The following CIITA variants were observed in gnomAD, a reference collection of about 807,000 sequenced individuals.
CIITA encodes the protein MHC class II transactivator.
Under a neutral mutation model 115.1 loss-of-function variants are expected in CIITA, and 72 were observed. That is an observed-to-expected ratio of 0.63 (90% CI 0.52 to 0.76). The LOEUF (loss-of-function observed/expected upper bound fraction) is 0.76. Among genes scored for constraint, CIITA ranks in the 30% least tolerant of loss-of-function variants. The pLI is 0.00. For missense variants in CIITA, 1,617 were observed against 1,463.8 expected, an observed-to-expected ratio of 1.10 and a Z score of -1.71; for synonymous variants, 763 against 635.6, an observed-to-expected ratio of 1.20 and a Z score of -3.02.
chr16:10,906,274 C>T (rs1268057507), intron 10 of CIITA, among the ~76,000 whole-genome samples: 2 of 152,048 alleles, frequency 1.3e-5, no homozygotes, highest in South Asian at 2.1e-4. Context: ...TCAGGAGGAT[C>T]GCATGAGCCC....
intron 1 of CIITA, among the ~76,000 whole-genome samples, chr16:10,881,930 C>A (rs9928334): frequency 0.042 from 6,352 of 152,234 alleles, 469 homozygotes; most frequent in African/African-American, 0.14. Flanking sequence ...TGATATTTGT[C>A]TTTTTGTGCC....
upstream of CIITA, among the ~76,000 whole-genome samples, chr16:10,873,436 G>A (rs1009090910): frequency 6.6e-6 from 1 of 152,192 alleles, no homozygotes; most frequent in African/African-American, 2.4e-5. Flanking sequence ...AGCAAGTTTT[G>A]TAAAACACAG....
intron 1 of CIITA, among the ~76,000 whole-genome samples, chr16:10,886,426 C>T (rs891311651): frequency 6.6e-6 from 1 of 152,220 alleles, no homozygotes; most frequent in Non-Finnish European, 1.5e-5. Flanking sequence ...ACAAATAACA[C>T]AGCAGTAACC....
Position 10,930,894 on chromosome 16 carries a change from C to A in CIITA, c.*7039C>A, listed in dbSNP as rs961984704. The A allele has an allele frequency of 6.6e-6, 1 of 152,328 alleles. No homozygotes were observed. Among genetic ancestry groups the A allele is most frequent in the African/African-American group, 2.4e-5 (1 of 41,458 alleles). 9.4% of individuals were successfully genotyped at this position (152,328 alleles called of 1,614,324 possible). ...ATAGCTGCCCTCCACCAGCCTGCTCCTGAGACACCTGCTGGCCAGCAGCCT... is the reference window on the plus strand; with the variant it reads ...ATAGCTGCCCTCCACCAGCCTGCTCATGAGACACCTGCTGGCCAGCAGCCT... On this transcript the variant is annotated 3_prime_UTR_variant, in exon 20 of 20. Coordinates refer to ENST00000324288, the MANE Select transcript of CIITA (RefSeq NM_000246.4).
chr16:10,878,947 T>G, intron 1 of CIITA: 1 of 225,648 alleles, frequency 4.4e-6, no homozygotes, highest in East Asian at 6.4e-5. Flanking sequence ...GGAGGTAGGA[T>G]GACCAGCGGA....
intron 1 of CIITA, among the ~76,000 whole-genome samples, chr16:10,882,518 C>G (rs1170698758): frequency 6.6e-6 from 1 of 152,086 alleles, no homozygotes; most frequent in Non-Finnish European, 1.5e-5. Flanking sequence ...GGCTTGAGAC[C>G]AGGAGTTCAA....
intron 1 of CIITA, among the ~76,000 whole-genome samples, chr16:10,870,659 C>T (rs760260421): frequency 2.0e-5 from 3 of 152,344 alleles, no homozygotes; most frequent in South Asian, 2.1e-4. Context: ...CTGCTCCTTA[C>T]GTACCATGTG....
In CIITA at chr16:10,941,624, T is replaced by G; in HGVS notation, n.750T>G. On this transcript the variant is annotated non_coding_transcript_exon_variant, in exon 2 of 2. Transcript: ENST00000573379. This position sits in a 1 kb window ranked among gnomAD's most constrained non-coding sequence, Gnocchi z 6.4. Reference sequence around the variant, plus strand: ...TGGGGAACCATCCCCGTCCAGATGGTGCCCCCAACCAGCTGCGGCGGCATG... The same window carrying G: ...TGGGGAACCATCCCCGTCCAGATGGGGCCCCCAACCAGCTGCGGCGGCATG... 6.6e-7 allele frequency: 1 copy of G among 1,515,396 alleles called. No individual in the cohort carries two copies. Among genetic ancestry groups the G allele is most frequent in the East Asian group, 2.3e-5 (1 of 43,044 alleles). The allele number at this position is 1,515,396 out of a possible 1,614,324, so 93.9% of individuals were successfully genotyped here. A position where few individuals can be genotyped will look rare whatever the true frequency, so the allele number is the denominator to read the frequency against.
chr16:10,904,813 G>C lies in CIITA; in HGVS notation c.1006+1G>C, dbSNP rs1283117296. On this transcript the variant is annotated splice_donor_variant, in intron 10 of 19. Transcript: ENST00000324288. LOFTEE classifies it high-confidence loss of function. Reference sequence around the variant, plus strand: ...TCCAACAAGCTTCCAAAATGGCCTGGTGAGTGATGCGGGATCTCTCTGCCC... The same window carrying C: ...TCCAACAAGCTTCCAAAATGGCCTGCTGAGTGATGCGGGATCTCTCTGCCC... 1 of 1,614,174 alleles carries C rather than the reference G, an allele frequency of 6.2e-7. No homozygotes were observed. The highest frequency in any genetic ancestry group is 8.5e-7 in the Non-Finnish European group (1 of 1,180,000).
At chr16:10,876,713 G>A (rs186969094), upstream of CIITA, among the ~76,000 whole-genome samples, 1 of 152,196 alleles carries the variant, frequency 6.6e-6, no homozygotes, top group Non-Finnish European at 1.5e-5. Flanking sequence ...CCAATGTCTT[G>A]GGATGAAAAT....
chr16:10,894,517 A>G (rs2037926160), intron 1 of CIITA, among the ~76,000 whole-genome samples: 1 of 152,204 alleles, frequency 6.6e-6, no homozygotes, highest in Non-Finnish European at 1.5e-5. Flanking sequence ...GGTATATGTG[A>G]ATATTTATTA....
rs889589300 is a variant in CIITA, at chr16:10,942,323, G to A, written n.1449G>A. On this transcript the variant is annotated non_coding_transcript_exon_variant, in exon 2 of 2. Coordinates refer to the CIITA transcript ENST00000573379. This position sits in a 1 kb window ranked among gnomAD's most constrained non-coding sequence, Gnocchi z 5.0. Reference sequence around the variant, plus strand: ...GCTCGCAGGGCCTCGCAGAGCCGGTGGGGATCCCACCGCGGCTCAGTGTCT... The same window carrying A: ...GCTCGCAGGGCCTCGCAGAGCCGGTAGGGATCCCACCGCGGCTCAGTGTCT... 6 of 267,706 alleles carry A rather than the reference G, an allele frequency of 2.2e-5. No individual in the cohort carries two copies. Among genetic ancestry groups the A allele is most frequent in the African/African-American group, 9.2e-5 (4 of 43,626 alleles). 16.6% of individuals were successfully genotyped at this position (267,706 alleles called of 1,614,324 possible). A position where few individuals can be genotyped will look rare whatever the true frequency, so the allele number is the denominator to read the frequency against.
chr16:10,866,376 C>T (rs976810838), intron 1 of CIITA: 1 of 567,612 alleles, frequency 1.8e-6, no homozygotes, highest in Non-Finnish European at 3.5e-6. Flanking sequence ...TCTTGGACAA[C>T]CTGCTGAAGG....
chr16:10,894,183 G>T (rs1397421739), intron 1 of CIITA, among the ~76,000 whole-genome samples: 2 of 152,040 alleles, frequency 1.3e-5, no homozygotes, highest in Non-Finnish European at 2.9e-5. Context: ...GGATTTGCCT[G>T]TTTTGGTCAT....
intron 3 of CIITA, among the ~76,000 whole-genome samples, chr16:10,897,168 A>T (rs984752637): frequency 2.0e-5 from 3 of 152,204 alleles, no homozygotes; most frequent in Admixed American, 1.3e-4. Context: ...ATAAAGAAAA[A>T]AAATATTTCT....
In CIITA at chr16:10,879,636, G is replaced by A. The variant is rs1444975982; in HGVS notation, c.52+2254G>A. Reference sequence around the variant, plus strand: ...GCGAAGGTGTGTGTTGTTGGGAGGGGTGGGGGAGGGATCCCCCCGGACTGA... The same window carrying A: ...GCGAAGGTGTGTGTTGTTGGGAGGGATGGGGGAGGGATCCCCCCGGACTGA... On this transcript the variant is annotated intron_variant, in intron 1 of 19. Coordinates refer to ENST00000324288, the MANE Select transcript of CIITA (RefSeq NM_000246.4). The surrounding 1 kb of genome is among the most constrained non-coding windows in gnomAD (Gnocchi z 4.3). 6.6e-6 allele frequency among the ~76,000 whole-genome samples: 1 copy of A among 151,814 alleles called. No individual in the cohort carries two copies. The highest frequency in any genetic ancestry group is 1.5e-5 in the Non-Finnish European group (1 of 67,942).
At chr16:10,884,438 A>T (rs1465861794) in intron 1 of CIITA, among the ~76,000 whole-genome samples, 1 of 152,156 alleles carries the variant, frequency 6.6e-6, no homozygotes, top group Non-Finnish European at 1.5e-5. Context: ...TTTATGAGAC[A>T]AAGTCTCACT....
intron 3 of CIITA, among the ~76,000 whole-genome samples, chr16:10,897,182 A>T (rs2038216830): frequency 6.6e-6 from 1 of 152,208 alleles, no homozygotes; most frequent in Admixed American, 6.5e-5. Flanking sequence ...TATTTCTTAC[A>T]GTTATGGAGG....
At chr16:10,902,829 A>G (rs1335770127) in intron 8 of CIITA, 28 bp downstream of exon 8, 4 of 1,613,146 alleles carry the variant, frequency 2.5e-6, no homozygotes, top group Non-Finnish European at 3.4e-6. Context: ...CTCCCCGACC[A>G]CCTCTCCCTC....
Sources: gnomAD v4.1 joint callset for allele counts (sites outside exome capture counted in the v4.1 genomes callset) on GRCh38, gnomAD v4.1.1 for gene constraint, Gnocchi (gnomAD v3.1) non-coding constraint, MANE v1.5 for transcripts, NCBI Gene and HGNC (gene_info 2026-07-23, HGNC 2026-07-21) for gene names.